Variants in CYFIP2 observed in about 807,000 individuals in gnomAD.
CYFIP2 encodes the protein cytoplasmic FMR1-interacting protein 2.
A neutral mutation model predicts 158.7 loss-of-function variants in CYFIP2; 29 were observed. That is an observed-to-expected ratio of 0.18 (90% CI 0.14 to 0.25). CYFIP2 has a LOEUF of 0.25. Among genes scored for constraint, CYFIP2 ranks in the 10% least tolerant of loss-of-function variants. CYFIP2 has a pLI of 1.00. For synonymous variants in CYFIP2, 585 were observed against 617.6 expected, an observed-to-expected ratio of 0.95 and a Z score of 0.78; for missense variants, 852 against 1,639.5, an observed-to-expected ratio of 0.52 and a Z score of 8.29.
chr5:157,348,454 C>T (rs1762843623), intron 23 of CYFIP2, among the ~76,000 whole-genome samples: 1 of 152,178 alleles, frequency 6.6e-6, no homozygotes. Flanking sequence ...CTCTGTTGCC[C>T]AGGCTGGAAT....
Position 157,332,541 on chromosome 5 carries a change from C to G in CYFIP2, c.2266-786C>G, listed in dbSNP as rs566201701. On this transcript the variant is annotated intron_variant, in intron 20 of 30. Coordinates refer to ENST00000620254, the MANE Select transcript of CYFIP2 (RefSeq NM_001037333.3). ...ATGATACTCAGGAAATTTGACAATA[C>G]TACTTTCTAAATACAGTTCCCATTC... Among the ~76,000 whole-genome samples, 16 of 152,352 alleles carry G rather than the reference C, an allele frequency of 1.1e-4. No individual in the cohort carries two copies. The South Asian group carries it at 1.2e-3, about 12-fold the overall frequency.
chr5:157,388,967 A>G lies in CYFIP2; in HGVS notation c.3208-222A>G, dbSNP rs1158647817. On this transcript the variant is annotated intron_variant, in intron 28 of 30. Transcript: ENST00000620254. ...TCATAATTTTAAAAATTAATCCGCTACTGATGGTGCCTGGATTTTACTTAA... is the reference window on the plus strand; with the variant it reads ...TCATAATTTTAAAAATTAATCCGCTGCTGATGGTGCCTGGATTTTACTTAA... 3.9e-5 allele frequency among the ~76,000 whole-genome samples: 6 copies of G among 152,212 alleles called. No individual in the cohort carries two copies. The East Asian group carries it at 1.2e-3, about 29-fold the overall frequency.
In CYFIP2 at chr5:157,361,215, G is replaced by A. The variant is rs1763793546; in HGVS notation, c.2909-253G>A. On this transcript the variant is annotated intron_variant, in intron 25 of 30. Coordinates refer to ENST00000620254, the MANE Select transcript of CYFIP2 (RefSeq NM_001037333.3). This position sits in a 1 kb window ranked among gnomAD's most constrained non-coding sequence, Gnocchi z 4.4. Reference sequence around the variant, plus strand: ...AAGGGTCCAATGGTGCCTCATTTGTGTGCCTGTGTTTGTGTGTGTGTGCAT... The same window carrying A: ...AAGGGTCCAATGGTGCCTCATTTGTATGCCTGTGTTTGTGTGTGTGTGCAT... Among the ~76,000 whole-genome samples, 1 of 151,536 alleles carries A rather than the reference G, an allele frequency of 6.6e-6. No individual in the cohort carries two copies. Among genetic ancestry groups the A allele is most frequent in the Non-Finnish European group, 1.5e-5 (1 of 68,004 alleles).
In CYFIP2 at chr5:157,361,807, C is replaced by G. The variant is rs1763852347; in HGVS notation, c.3039+209C>G. Among the ~76,000 whole-genome samples, 1 of 152,254 alleles carries G rather than the reference C, an allele frequency of 6.6e-6. No homozygotes were observed. The highest frequency in any genetic ancestry group is 1.5e-5 in the Non-Finnish European group (1 of 68,034). On this transcript the variant is annotated intron_variant, in intron 26 of 30. Transcript: ENST00000620254. The surrounding 1 kb of genome is among the most constrained non-coding windows in gnomAD (Gnocchi z 4.4). ...TTGTCTAGGTCTCAGTTTGCCATTC[C>G]CTCATGTTATGGAACCAAACTGGGG...
chr5:157,393,124 C>T lies in CYFIP2; in HGVS notation c.*124C>T. The T allele has an allele frequency of 1.8e-6, 2 of 1,081,618 alleles. No homozygotes were observed. The highest frequency in any genetic ancestry group is 2.6e-6 in the Non-Finnish European group (2 of 763,594). The allele number at this position is 1,081,618 out of a possible 1,614,324, so 67.0% of individuals were successfully genotyped here. ...GATGGACCTGGAAACAAGCACCTCC[C>T]CAAACACATCACCACTCCCTAGGGC... On this transcript the variant is annotated 3_prime_UTR_variant, in exon 31 of 31. Transcript: ENST00000620254.
intron 8 of CYFIP2, among the ~76,000 whole-genome samples, chr5:157,305,654 G>A (rs1398543769): frequency 1.3e-5 from 2 of 152,116 alleles, no homozygotes; most frequent in Non-Finnish European, 2.9e-5. Context: ...GGGACTACAG[G>A]CACATGCCAC....
chr5:157,291,645 G>A (rs1168163357), intron 3 of CYFIP2, among the ~76,000 whole-genome samples: 1 of 152,172 alleles, frequency 6.6e-6, no homozygotes, highest in Non-Finnish European at 1.5e-5. Flanking sequence ...AGATGACTGC[G>A]GGACCCACGG....
intron 27 of CYFIP2, among the ~76,000 whole-genome samples, chr5:157,382,871 G>A (rs1488732343): frequency 6.6e-6 from 1 of 152,072 alleles, no homozygotes; most frequent in Non-Finnish European, 1.5e-5. Context: ...CAGACTCTGA[G>A]GCCTATTATC....
At chr5:157,283,134 C>T (rs1286682395) in intron 1 of CYFIP2, among the ~76,000 whole-genome samples, 1 of 152,202 alleles carries the variant, frequency 6.6e-6, no homozygotes, top group Non-Finnish European at 1.5e-5. Context: ...TCAGACCTCC[C>T]TCCACCACTT....
At chr5:157,315,202 C>G in intron 13 of CYFIP2, 108 bp downstream of exon 13, 1 of 1,442,514 alleles carries the variant, frequency 6.9e-7, no homozygotes, top group South Asian at 1.5e-5. Context: ...AATTTTCGTG[C>G]TCTTCCCTGT....
At chr5:157,294,376 G>A (rs1758079526) in intron 3 of CYFIP2, among the ~76,000 whole-genome samples, 1 of 152,202 alleles carries the variant, frequency 6.6e-6, no homozygotes, top group African/African-American at 2.4e-5. Flanking sequence ...AGGCAGTTTT[G>A]ATAATATACT....
chr5:157,378,638 T>C (rs1023617277), intron 26 of CYFIP2, among the ~76,000 whole-genome samples: 2 of 152,332 alleles, frequency 1.3e-5, no homozygotes, highest in African/African-American at 4.8e-5. Context: ...TTTAAGCATC[T>C]GTGTGCGGAC....
chr5:157,327,864 C>T, intron 18 of CYFIP2, 109 bp from the exon 19 acceptor site: 2 of 1,020,052 alleles, frequency 2.0e-6, no homozygotes, highest in Non-Finnish European at 2.9e-6. Flanking sequence ...GCGTCTTTCC[C>T]CAGAATGCAC....
At chr5:157,389,883 T>C (rs901290137) in intron 29 of CYFIP2, among the ~76,000 whole-genome samples, 6 of 152,158 alleles carry the variant, frequency 3.9e-5, no homozygotes, top group African/African-American at 1.4e-4. Context: ...AGTACAGTGA[T>C]GGGGAACTGG....
intron 21 of CYFIP2, among the ~76,000 whole-genome samples, chr5:157,333,766 A>G (rs896920474): frequency 3.3e-5 from 5 of 152,192 alleles, no homozygotes; most frequent in Admixed American, 6.5e-5. Flanking sequence ...GGAAAATTGC[A>G]CAAGAGGGTT....
chr5:157,304,287 C>A lies in CYFIP2; in HGVS notation c.716C>A (p.Ala239Asp). 3.1e-6 allele frequency: 5 copies of A among 1,613,872 alleles called. No individual in the cohort carries two copies. The highest frequency in any genetic ancestry group is 4.2e-6 in the Non-Finnish European group (5 of 1,179,902). Residue 239 changes from alanine (A) to aspartate (D), a missense_variant, in exon 8 of 31, where the codon GCT becomes GAT. Ala to Asp is a moderately radical substitution (Grantham distance 126, BLOSUM62 -2). Coordinates refer to ENST00000620254, the MANE Select transcript of CYFIP2 (RefSeq NM_001037333.3). ...EVIPGYEELL[A>D]DIVNICVDYY... ...ATCCCAGGCTATGAGGAGCTGCTGG[C>A]TGACATTGTCAACATCTGTGTGGAT...
At chr5:157,277,930 G>A (rs10060743) in intron 1 of CYFIP2, among the ~76,000 whole-genome samples, 89 of 152,168 alleles carry the variant, frequency 5.8e-4, no homozygotes, top group African/African-American at 2.0e-3. Context: ...AAACCTGTAC[G>A]GCATGTTCTT....
chr5:157,309,816 A>G lies in CYFIP2; in HGVS notation c.974A>G (p.Tyr325Cys). 6.2e-7 allele frequency: 1 copy of G among 1,600,180 alleles called. No individual in the cohort carries two copies. Among genetic ancestry groups the G allele is most frequent in the African/African-American group, 1.3e-5 (1 of 74,836 alleles). ...AGATACATTAAGACCAGTGCTCACT[A>G]TGAAGAGAACAAGTCCAAGTGAGTG... The part of the protein sequence containing the change: ...LARYIKTSAH[Y>C]EENKSKWTCT... Residue 325 changes from tyrosine (Y) to cysteine (C), a missense_variant, in exon 10 of 31, where the codon TAT (tyrosine) becomes TGT (cysteine). Physicochemically the swap from Tyr to Cys is radical, Grantham distance 194. This residue lies in a region of CYFIP2 where 133 missense variants were observed against 197.1 expected (regional missense o/e 0.67). Transcript: ENST00000620254.
intron 26 of CYFIP2, chr5:157,377,014 C>T: frequency 5.1e-6 from 2 of 392,010 alleles, no homozygotes; most frequent in Non-Finnish European, 1.0e-5. Flanking sequence ...GGCAGGGGTC[C>T]TTTTACTCCC....
Sources: allele counts gnomAD v4.1 joint callset (sites outside exome capture counted in the v4.1 genomes callset), GRCh38; gene constraint gnomAD v4.1.1; regional missense constraint gnomAD v4.1.1; non-coding constraint Gnocchi (gnomAD v3.1); transcripts MANE v1.5; gene names NCBI Gene and HGNC (gene_info 2026-07-23, HGNC 2026-07-21).